SORCS2: variants seen among roughly 807,000 people sequenced by gnomAD.
SORCS2 encodes sortilin related VPS10 domain containing receptor 2.
Under a neutral mutation model 141.6 loss-of-function variants are expected in SORCS2, and 100 were observed. That is an observed-to-expected ratio of 0.71 (90% CI 0.60 to 0.83). The LOEUF is 0.83. SORCS2 is among the 40% of genes least tolerant of loss of function. The pLI, the probability that SORCS2 is intolerant of heterozygous loss-of-function variation, is 0.00. For missense variants in SORCS2, 1,646 were observed against 1,560.2 expected (o/e 1.05, Z -0.93); for synonymous variants, 789 against 676.9 (o/e 1.17, Z -2.57).
intron 2 of SORCS2, among the ~76,000 whole-genome samples, chr4:7,525,400 A>G (rs1733606500): frequency 6.6e-6 from 1 of 152,010 alleles, no homozygotes; most frequent in Admixed American, 6.5e-5. Flanking sequence ...CTAATGTTAA[A>G]ATCCACAGTG....
intron 1 of SORCS2, among the ~76,000 whole-genome samples, chr4:7,232,061 G>C (rs1711927323): frequency 6.6e-6 from 1 of 152,242 alleles, no homozygotes; most frequent in Non-Finnish European, 1.5e-5. Flanking sequence ...CAGCGGAGCT[G>C]AGATGACGGA....
chr4:7,373,462 A>ATATATATATATATATATG (rs1722391824), intron 1 of SORCS2, among the ~76,000 whole-genome samples: 1 of 58,916 alleles, frequency 1.7e-5, no homozygotes, highest in Admixed American at 2.0e-4. Flanking sequence ...AAACTTTTAT[A>ATATATATATATATATATG]TATATATATA....
chr4:7,522,547 G>T (rs1184952602), intron 2 of SORCS2, among the ~76,000 whole-genome samples: 1 of 152,126 alleles, frequency 6.6e-6, no homozygotes, highest in Non-Finnish European at 1.5e-5. Flanking sequence ...CCTGCGGGAC[G>T]GCACCAGGCA....
chr4:7,661,656 A>C, intron 6 of SORCS2, 92 bp downstream of exon 6: 3 of 1,206,614 alleles, frequency 2.5e-6, no homozygotes, highest in Non-Finnish European at 2.4e-6. Flanking sequence ...GCTTGTCCGC[A>C]ATGGCTGGCC....
chr4:7,658,636 G>A (rs1721955644), intron 5 of SORCS2, among the ~76,000 whole-genome samples: 2 of 152,176 alleles, frequency 1.3e-5, no homozygotes, highest in Admixed American at 1.3e-4. Flanking sequence ...TAGACTACAG[G>A]GGAGTCCCAG....
At chr4:7,338,257 A>T (rs1401596372) in intron 1 of SORCS2, among the ~76,000 whole-genome samples, 1 of 146,648 alleles carries the variant, frequency 6.8e-6, no homozygotes, top group African/African-American at 2.6e-5. Flanking sequence ...GGATGGATGG[A>T]TGGATGCATG....
intron 3 of SORCS2, among the ~76,000 whole-genome samples, chr4:7,595,702 G>C (rs540859831): frequency 6.6e-6 from 1 of 152,156 alleles, no homozygotes; most frequent in Non-Finnish European, 1.5e-5. Flanking sequence ...TGTGCACAGG[G>C]CCTGGCACTT....
At chr4:7,328,554 A>C (rs1186269875) in intron 1 of SORCS2, among the ~76,000 whole-genome samples, 2 of 152,178 alleles carry the variant, frequency 1.3e-5, no homozygotes. Flanking sequence ...CCAGGTAGCC[A>C]GAGTGGAGTT....
chr4:7,737,892 G>A (rs1712324279), intron 26 of SORCS2, among the ~76,000 whole-genome samples: 1 of 152,216 alleles, frequency 6.6e-6, no homozygotes, highest in Non-Finnish European at 1.5e-5. Flanking sequence ...AGCAATTAAT[G>A]CAGGCAGTCA....
intron 3 of SORCS2, among the ~76,000 whole-genome samples, chr4:7,577,461 A>G (rs1319811356): frequency 6.6e-6 from 1 of 151,598 alleles, no homozygotes; most frequent in Non-Finnish European, 1.5e-5. Flanking sequence ...AGCTAGTGCC[A>G]TGGTTTGGAG....
intron 17 of SORCS2, among the ~76,000 whole-genome samples, chr4:7,715,743 C>T (rs1726146062): frequency 1.3e-5 from 2 of 152,184 alleles, no homozygotes; most frequent in South Asian, 4.1e-4. Flanking sequence ...CCCAGTAAGC[C>T]AGGCTCTCCC....
chr4:7,521,405 C>T (rs1468792101), intron 2 of SORCS2, among the ~76,000 whole-genome samples: 1 of 152,166 alleles, frequency 6.6e-6, no homozygotes, highest in Non-Finnish European at 1.5e-5. Flanking sequence ...GCGCCTGATG[C>T]CCCCTTTCAC....
intron 3 of SORCS2, among the ~76,000 whole-genome samples, chr4:7,559,605 C>T (rs1714385010): frequency 6.6e-6 from 1 of 152,048 alleles, no homozygotes; most frequent in Non-Finnish European, 1.5e-5. Context: ...ACAAATGTGG[C>T]TGGGATCGAG....
At chr4:7,532,485 G>A (rs944668827) in intron 3 of SORCS2, among the ~76,000 whole-genome samples, 1 of 152,250 alleles carries the variant, frequency 6.6e-6, no homozygotes, top group Non-Finnish European at 1.5e-5. Context: ...TGGTGACTTT[G>A]AAGGAGAAAT....
At chr4:7,319,035 A>C (rs568364775) in intron 1 of SORCS2, among the ~76,000 whole-genome samples, 1 of 152,194 alleles carries the variant, frequency 6.6e-6, no homozygotes, top group Non-Finnish European at 1.5e-5. Context: ...TGCATTTGCA[A>C]TTCATCCATG....
At chr4:7,516,624 C>T (rs985982039) in intron 2 of SORCS2, among the ~76,000 whole-genome samples, 8 of 152,130 alleles carry the variant, frequency 5.3e-5, no homozygotes, top group African/African-American at 1.9e-4. Flanking sequence ...CCTTTTTATG[C>T]AGGACAGGCG....
In SORCS2 at chr4:7,305,696, C is replaced by T. The variant is rs115686325; in HGVS notation, c.481-90592C>T. Among the ~76,000 whole-genome samples, 462 of 152,258 alleles carry T rather than the reference C, an allele frequency of 3.0e-3. 1 individual carries two copies. The highest frequency in any genetic ancestry group is 0.01 in the African/African-American group (426 of 41,550). On this transcript the variant is annotated intron_variant, in intron 1 of 26. Coordinates refer to ENST00000507866, the MANE Select transcript of SORCS2 (RefSeq NM_020777.3). Reference sequence around the variant, plus strand: ...CAAGGTGGTCCAATACCCTGGGCTCCGTCCACTCCCAGGTCTAGGGAGACC... The same window carrying T: ...CAAGGTGGTCCAATACCCTGGGCTCTGTCCACTCCCAGGTCTAGGGAGACC...
chr4:7,644,124 C>T (rs759368390), intron 4 of SORCS2, among the ~76,000 whole-genome samples: 3 of 152,326 alleles, frequency 2.0e-5, no homozygotes, highest in African/African-American at 4.8e-5. Flanking sequence ...GGGTTTTACA[C>T]TAGACCCCCC....
At chr4:7,228,658 A>C (rs955660345) in intron 1 of SORCS2, among the ~76,000 whole-genome samples, 10 of 151,880 alleles carry the variant, frequency 6.6e-5, no homozygotes, top group African/African-American at 2.4e-4. Flanking sequence ...AGCTGAGGGC[A>C]CTCAGGACCT....
Sources: gnomAD v4.1 joint callset for allele counts (sites outside exome capture counted in the v4.1 genomes callset) on GRCh38, gnomAD v4.1.1 for gene constraint, MANE v1.5 for transcripts, NCBI Gene and HGNC (gene_info 2026-07-23, HGNC 2026-07-21) for gene names.